CTNNA2: variants seen among roughly 807,000 people sequenced by gnomAD.
The protein encoded by CTNNA2 is catenin alpha-2.
Under a neutral mutation model 101.0 loss-of-function variants are expected in CTNNA2, and 42 were observed. The ratio of observed to expected loss-of-function variants is 0.42; its 90% CI spans 0.32 to 0.54. The LOEUF is 0.54. Ranked by LOEUF, CTNNA2 falls within the 20% of genes least tolerant of loss-of-function variation. CTNNA2 has a pLI of 0.14. For synonymous variants in CTNNA2, 450 were observed against 456.4 expected (o/e 0.99, Z 0.18); for missense variants, 871 against 1,223.1 (o/e 0.71, Z 4.29).
chr2:80,093,712 T>C (rs1338732384), intron 7 of CTNNA2, among the ~76,000 whole-genome samples: 1 of 152,214 alleles, frequency 6.6e-6, no homozygotes, highest in Non-Finnish European at 1.5e-5. Context: ...TGGTGTGAGA[T>C]GGTATCTCAT....
intron 9 of CTNNA2, among the ~76,000 whole-genome samples, chr2:80,530,621 CAT>C (rs1217165714): frequency 6.6e-6 from 1 of 152,058 alleles, no homozygotes; most frequent in Admixed American, 6.6e-5. Context: ...AGTATGAAGT[CAT>C]ATAAAGAAAG....
At chr2:79,824,326 C>T (rs911095509) in intron 3 of CTNNA2, among the ~76,000 whole-genome samples, 5 of 152,018 alleles carry the variant, frequency 3.3e-5, no homozygotes, top group Non-Finnish European at 7.4e-5. Flanking sequence ...AAGCATGGGT[C>T]ACCATATTGG....
intron 2 of CTNNA2, among the ~76,000 whole-genome samples, chr2:79,303,082 G>A (rs78247623): frequency 0.018 from 2,760 of 152,224 alleles, 35 homozygotes; most frequent in Non-Finnish European, 0.029. Context: ...GCAGGAGACA[G>A]GCATTGTTGT....
At chr2:79,848,665 A>G (rs533400287) in intron 3 of CTNNA2, among the ~76,000 whole-genome samples, 1 of 152,324 alleles carries the variant, frequency 6.6e-6, no homozygotes, top group African/African-American at 2.4e-5. Flanking sequence ...AACATTCAAT[A>G]CACTTAATCA....
At chr2:79,328,578 T>C (rs1294435122) in intron 3 of CTNNA2, among the ~76,000 whole-genome samples, 2 of 152,184 alleles carry the variant, frequency 1.3e-5, no homozygotes. Context: ...TGTTAGCTTT[T>C]ATGATGTTGA....
At chr2:79,329,053 C>T (rs1354668371) in intron 3 of CTNNA2, among the ~76,000 whole-genome samples, 1 of 152,118 alleles carries the variant, frequency 6.6e-6, no homozygotes, top group South Asian at 2.1e-4. Flanking sequence ...AGTTTACAGC[C>T]TACCTTAATC....
chr2:80,014,291 T>C lies in CTNNA2; in HGVS notation c.1056+104494T>C, dbSNP rs182294914. ...TGCAGGAGGAAGGGAGCTAGAAAGA[T>C]GCCTTTCTTCCTGGTGTGGTAAAGG... On this transcript the variant is annotated intron_variant, in intron 7 of 18. Transcript: ENST00000402739. Among the ~76,000 whole-genome samples the C allele has an allele frequency of 7.2e-5, 11 of 152,108 alleles. No homozygotes were observed. In the East Asian group the frequency reaches 2.1e-3, roughly 29 times the overall value.
At chr2:79,387,520 A>T (rs557188232) in intron 4 of CTNNA2, among the ~76,000 whole-genome samples, 1 of 152,282 alleles carries the variant, frequency 6.6e-6, no homozygotes, top group African/African-American at 2.4e-5. Flanking sequence ...TGGAAAATGG[A>T]TCTAGCTTCA....
rs1472359389 is a variant in CTNNA2 at position 80,303,284 on chromosome 2, C to A, written c.1057-89927C>A. 2 of 1,613,414 alleles carry A rather than the reference C, an allele frequency of 1.2e-6. No homozygotes were observed. Among genetic ancestry groups the A allele is most frequent in the Admixed American group, 1.7e-5 (1 of 60,022 alleles). On this transcript the variant is annotated intron_variant, in intron 7 of 18. Transcript: ENST00000402739. The surrounding 1 kb of genome is among the most constrained non-coding windows in gnomAD (Gnocchi z 7.7). The stretch of plus-strand genomic sequence containing the variant: ...GAGGCTGCGGCAGTCCTGGAAGATG[C>A]GCACGGGCACAAACTGGATGGCGTT...
intron 7 of CTNNA2, among the ~76,000 whole-genome samples, chr2:80,387,756 T>G (rs765596563): frequency 6.6e-6 from 1 of 152,112 alleles, no homozygotes; most frequent in Non-Finnish European, 1.5e-5. Flanking sequence ...GTCAGGAAAT[T>G]TATTCCCTTT....
rs539492631 is a variant in CTNNA2 at position 80,463,964 on chromosome 2, C to T, written c.1290+44363C>T. Among the ~76,000 whole-genome samples the T allele has an allele frequency of 2.0e-5, 3 of 152,242 alleles. No homozygotes were observed. In the South Asian group the frequency reaches 6.2e-4, roughly 32 times the overall value. On this transcript the variant is annotated intron_variant, in intron 9 of 18. Transcript: ENST00000402739. Reference sequence around the variant, plus strand: ...GGTTTCAGGAATGAAGCCCTATTCTCCTTTTTCATCTTCTGCCTCTTCCTT... The same window carrying T: ...GGTTTCAGGAATGAAGCCCTATTCTTCTTTTTCATCTTCTGCCTCTTCCTT...
chr2:79,240,358 C>G (rs1674611561), intron 2 of CTNNA2, among the ~76,000 whole-genome samples: 1 of 151,838 alleles, frequency 6.6e-6, no homozygotes, highest in African/African-American at 2.4e-5. Flanking sequence ...TTTTTTGATC[C>G]TTACCTTCCT....
chr2:80,213,850 A>C (rs774844616), intron 7 of CTNNA2, among the ~76,000 whole-genome samples: 1 of 152,126 alleles, frequency 6.6e-6, no homozygotes, highest in Non-Finnish European at 1.5e-5. Context: ...TGGGAGTCTA[A>C]GTCTCTTTGT....
chr2:80,191,601 G>A (rs1706506800), intron 7 of CTNNA2, among the ~76,000 whole-genome samples: 1 of 152,190 alleles, frequency 6.6e-6, no homozygotes, highest in Non-Finnish European at 1.5e-5. Flanking sequence ...CTCAACTTCA[G>A]ATGTAGTCTC....
intron 3 of CTNNA2, among the ~76,000 whole-genome samples, chr2:79,816,533 A>G (rs1465063469): frequency 6.6e-6 from 1 of 152,176 alleles, no homozygotes; most frequent in East Asian, 1.9e-4. Flanking sequence ...GAATGAGAAG[A>G]TACAAGAAGA....
At chr2:79,755,431 C>T (rs1440437314) in intron 3 of CTNNA2, among the ~76,000 whole-genome samples, 1 of 152,184 alleles carries the variant, frequency 6.6e-6, no homozygotes, top group Non-Finnish European at 1.5e-5. Flanking sequence ...ATGAGTGCAG[C>T]TGAGCTAGAG....
At chr2:80,025,770 G>T (rs532401999) in intron 7 of CTNNA2, among the ~76,000 whole-genome samples, 22 of 152,246 alleles carry the variant, frequency 1.4e-4, no homozygotes, top group African/African-American at 5.3e-4. Flanking sequence ...TGTATGGAGA[G>T]GTATAGCTAC....
intron 9 of CTNNA2, among the ~76,000 whole-genome samples, chr2:80,480,874 C>A (rs550499881): frequency 6.6e-6 from 1 of 152,184 alleles, no homozygotes; most frequent in South Asian, 2.1e-4. Flanking sequence ...TAGGAAAGCA[C>A]TTTAATAAGA....
chr2:80,009,521 A>G (rs950409805), intron 7 of CTNNA2, among the ~76,000 whole-genome samples: 1 of 152,180 alleles, frequency 6.6e-6, no homozygotes, highest in Non-Finnish European at 1.5e-5. Context: ...AATATTCCCA[A>G]AACACACAGG....
Sources: gnomAD v4.1 joint callset for allele counts (sites outside exome capture counted in the v4.1 genomes callset) on GRCh38, gnomAD v4.1.1 for gene constraint, Gnocchi (gnomAD v3.1) non-coding constraint, MANE v1.5 for transcripts, NCBI Gene and HGNC (gene_info 2026-07-23, HGNC 2026-07-21) for gene names.